Variants in METAP1D observed in about 807,000 individuals in gnomAD.
METAP1D encodes the protein methionyl aminopeptidase type 1D, mitochondrial.
A neutral mutation model predicts 40.5 loss-of-function variants in METAP1D; 31 were observed. That is an observed-to-expected ratio of 0.77 (90% CI 0.58 to 1.03). The LOEUF (loss-of-function observed/expected upper bound fraction) is 1.03, where lower values mean the gene tolerates loss of function less well. Ranked by LOEUF, METAP1D falls within the 50% of genes least tolerant of loss-of-function variation. The pLI is 0.00. For synonymous variants in METAP1D, 151 were observed against 146.4 expected, an observed-to-expected ratio of 1.03 and a Z score of -0.22; for missense variants, 411 against 420.7, an observed-to-expected ratio of 0.98 and a Z score of 0.20.
chr2:172,009,206 A>G (rs997953857), intron 1 of METAP1D, among the ~76,000 whole-genome samples: 2 of 151,376 alleles, frequency 1.3e-5, no homozygotes, highest in African/African-American at 2.4e-5. Context: ...GCGCCAGGCT[A>G]ATTTTTTTTG....
intron 1 of METAP1D, among the ~76,000 whole-genome samples, chr2:172,015,360 T>G (rs919488648): frequency 1.3e-5 from 2 of 152,042 alleles, no homozygotes; most frequent in African/African-American, 4.8e-5. Context: ...TGCAGTGAGC[T>G]GGGATTGCAC....
intron 7 of METAP1D, among the ~76,000 whole-genome samples, chr2:172,078,722 T>TG (rs1010661002): frequency 2.0e-5 from 3 of 152,186 alleles, no homozygotes; most frequent in Admixed American, 6.5e-5. Context: ...AGAAACGGCT[T>TG]GTCAGCCTTG....
chr2:172,025,584 C>T (rs942440426), intron 1 of METAP1D, among the ~76,000 whole-genome samples: 1 of 152,164 alleles, frequency 6.6e-6, no homozygotes, highest in African/African-American at 2.4e-5. Context: ...CCCACCTCAG[C>T]CTCCCAGGGC....
intron 1 of METAP1D, among the ~76,000 whole-genome samples, chr2:172,056,086 G>C (rs1296568266): frequency 6.6e-6 from 1 of 152,134 alleles, no homozygotes; most frequent in Non-Finnish European, 1.5e-5. Flanking sequence ...CACTGATAAA[G>C]ATGATCTTTT....
At chr2:172,004,456 G>A (rs1475019735) in intron 1 of METAP1D, among the ~76,000 whole-genome samples, 1 of 151,920 alleles carries the variant, frequency 6.6e-6, no homozygotes, top group Non-Finnish European at 1.5e-5. Context: ...CTTGAGTAGT[G>A]GGAATTACAA....
chr2:172,055,416 T>G (rs1689981407), intron 1 of METAP1D, among the ~76,000 whole-genome samples: 1 of 152,268 alleles, frequency 6.6e-6, no homozygotes, highest in Admixed American at 6.5e-5. Flanking sequence ...GTATCCTTTC[T>G]GTGACCCTGA....
At chr2:172,068,631 A>C (rs1690347760) in intron 5 of METAP1D, among the ~76,000 whole-genome samples, 1 of 150,988 alleles carries the variant, frequency 6.6e-6, no homozygotes, top group South Asian at 2.1e-4. Context: ...CTCCTGCCTC[A>C]GCCTCCCCAG....
In METAP1D at chr2:172,042,869, GTA is replaced by G. The variant is rs1553494008; in HGVS notation, c.41-18627_41-18626del. On this transcript the variant is annotated intron_variant, in intron 1 of 9. Coordinates refer to ENST00000315796, the MANE Select transcript of METAP1D (RefSeq NM_199227.3). ...TGTGTGTATATATGTACATATATGTGTATGTGTGTAAATATGTACATATATGT... is the reference window on the plus strand; with the variant it reads ...TGTGTGTATATATGTACATATATGTGTGTGTGTAAATATGTACATATATGT... Among the ~76,000 whole-genome samples the G allele has an allele frequency of 2.4e-4, 29 of 121,662 alleles. 7 individuals are homozygous for G. The highest frequency in any genetic ancestry group is 4.4e-4 in the East Asian group (2 of 4,540). 79.8% of individuals were successfully genotyped at this position (121,662 alleles called of 152,430 possible). A position where few individuals can be genotyped will look rare whatever the true frequency, so the allele number is the denominator to read the frequency against.
Position 171,999,986 on chromosome 2 carries a change from G to A in METAP1D, c.17G>A (p.Gly6Asp). 5.2e-6 allele frequency: 7 copies of A among 1,347,508 alleles called. No individual in the cohort carries two copies. Among genetic ancestry groups the A allele is most frequent in the Non-Finnish European group, 6.7e-6 (7 of 1,042,248 alleles). The allele number at this position is 1,347,508 out of a possible 1,614,324, so 83.5% of individuals were successfully genotyped here. Residue 6 changes from glycine (G) to aspartate (D), a missense_variant, in exon 1 of 10, where the codon GGC (glycine) becomes GAC (aspartate). Coordinates refer to ENST00000315796, the MANE Select transcript of METAP1D (RefSeq NM_199227.3). MAAPS[G>D]VHLLVRRGSH... ...GACGCCAACATGGCGGCGCCCAGTG[G>A]CGTCCACCTGCTCGTCCGCAGAGGT...
intron 1 of METAP1D, among the ~76,000 whole-genome samples, chr2:172,009,722 A>C (rs1688666884): frequency 2.0e-5 from 3 of 152,168 alleles, no homozygotes; most frequent in Non-Finnish European, 4.4e-5. Context: ...TGGTGTCTCC[A>C]TTTTAATCTG....
chr2:172,011,868 A>T (rs898335021), intron 1 of METAP1D, among the ~76,000 whole-genome samples: 1 of 152,158 alleles, frequency 6.6e-6, no homozygotes, highest in African/African-American at 2.4e-5. Flanking sequence ...TTCTGCGGAC[A>T]TATATTTTGT....
intron 1 of METAP1D, among the ~76,000 whole-genome samples, chr2:172,023,454 A>G (rs770873133): frequency 6.6e-6 from 1 of 152,220 alleles, no homozygotes; most frequent in Non-Finnish European, 1.5e-5. Context: ...ATCAGGCCAC[A>G]TATTTTTATA....
At chr2:172,027,265 C>T (rs1689139130) in intron 1 of METAP1D, among the ~76,000 whole-genome samples, 1 of 152,150 alleles carries the variant, frequency 6.6e-6, no homozygotes. Flanking sequence ...CAGTTACATG[C>T]CCTGCAATGA....
At chr2:172,061,708 T>G in intron 2 of METAP1D, 53 bp downstream of exon 2, 1 of 1,411,116 alleles carries the variant, frequency 7.1e-7, no homozygotes, top group Non-Finnish European at 9.4e-7. Flanking sequence ...AAAAGTTGAC[T>G]GCAGAAGTGA....
chr2:172,047,775 G>T (rs1181717833), intron 1 of METAP1D, among the ~76,000 whole-genome samples: 1 of 152,146 alleles, frequency 6.6e-6, no homozygotes, highest in East Asian at 1.9e-4. Flanking sequence ...AATTGTTTGT[G>T]ATAGTACACT....
intron 1 of METAP1D, among the ~76,000 whole-genome samples, chr2:172,032,837 T>C (rs1574105942): frequency 6.6e-6 from 1 of 152,058 alleles, no homozygotes; most frequent in Admixed American, 6.6e-5. Flanking sequence ...CCGAGGCAGG[T>C]GGATCACGAG....
chr2:172,044,727 C>T (rs560412654), intron 1 of METAP1D, among the ~76,000 whole-genome samples: 1 of 132,944 alleles, frequency 7.5e-6, no homozygotes, highest in Non-Finnish European at 1.7e-5. Context: ...GTCAACATGG[C>T]GAAACCCCAT....
chr2:172,061,026 C>T (rs370495432), intron 1 of METAP1D, among the ~76,000 whole-genome samples: 2 of 152,142 alleles, frequency 1.3e-5, no homozygotes, highest in Non-Finnish European at 2.9e-5. Flanking sequence ...AGTATAATGC[C>T]TCACTGCACG....
chr2:172,064,876 G>T (rs763791619), intron 3 of METAP1D, among the ~76,000 whole-genome samples: 3 of 151,866 alleles, frequency 2.0e-5, no homozygotes, highest in Admixed American at 6.6e-5. Context: ...TTTAATAAAA[G>T]ATTTTATTTT....
Sources: gnomAD v4.1 joint callset for allele counts (sites outside exome capture counted in the v4.1 genomes callset) on GRCh38, gnomAD v4.1.1 for gene constraint, MANE v1.5 for transcripts, NCBI Gene and HGNC (gene_info 2026-07-23, HGNC 2026-07-21) for gene names.